The following CYP7B1 variants were observed in gnomAD, a reference collection of about 807,000 sequenced individuals.
CYP7B1 encodes the protein cytochrome P450 family 7 subfamily B member 1, also known as cytochrome P450 7B1.
A neutral mutation model predicts 42.7 loss-of-function variants in CYP7B1; 29 were observed. That is an observed-to-expected ratio of 0.68 (90% CI 0.51 to 0.93). The LOEUF is 0.93. Among genes scored for constraint, CYP7B1 ranks in the 40% least tolerant of loss-of-function variants. The probability of loss-of-function intolerance (pLI) is 0.00; values close to 1 mark genes in which losing one functional copy is unlikely to be tolerated. For synonymous variants in CYP7B1, 235 were observed against 218.2 expected, an observed-to-expected ratio of 1.08 and a Z score of -0.68; for missense variants, 655 against 600.5, an observed-to-expected ratio of 1.09 and a Z score of -0.95.
intron 2 of CYP7B1, among the ~76,000 whole-genome samples, chr8:64,619,328 GA>G (rs1805494425): frequency 6.6e-6 from 1 of 152,178 alleles, no homozygotes; most frequent in Non-Finnish European, 1.5e-5. Context: ...TTATGTAAAT[GA>G]ATGGCCAGTG....
At chr8:64,659,276 T>C (rs1806166682) in intron 1 of CYP7B1, among the ~76,000 whole-genome samples, 1 of 152,190 alleles carries the variant, frequency 6.6e-6, no homozygotes, top group South Asian at 2.1e-4. Context: ...TCTATGCATA[T>C]AAGTGTTTTA....
intron 1 of CYP7B1, among the ~76,000 whole-genome samples, chr8:64,727,618 G>T (rs1286741973): frequency 6.6e-6 from 1 of 152,210 alleles, no homozygotes; most frequent in South Asian, 2.1e-4. Flanking sequence ...ATAGGGAACA[G>T]TTGACCAAGT....
intron 1 of CYP7B1, among the ~76,000 whole-genome samples, chr8:64,739,700 C>T (rs1222985346): frequency 1.3e-5 from 2 of 152,112 alleles, no homozygotes; most frequent in Non-Finnish European, 2.9e-5. Flanking sequence ...CATGAAATAA[C>T]ATACACAGAA....
chr8:64,745,797 T>C (rs1055688615), intron 1 of CYP7B1, among the ~76,000 whole-genome samples: 1 of 152,134 alleles, frequency 6.6e-6, no homozygotes, highest in African/African-American at 2.4e-5. Context: ...GTACAAACAA[T>C]AGTTTGATTT....
At chr8:64,746,779 A>C (rs746787024) in intron 1 of CYP7B1, among the ~76,000 whole-genome samples, 4 of 152,120 alleles carry the variant, frequency 2.6e-5, no homozygotes, top group Non-Finnish European at 4.4e-5. Flanking sequence ...ATTTTTCTGA[A>C]TACCCCTCAT....
At chr8:64,781,263 GA>G (rs568210875) in intron 1 of CYP7B1, among the ~76,000 whole-genome samples, 6 of 152,134 alleles carry the variant, frequency 3.9e-5, no homozygotes, top group Non-Finnish European at 8.8e-5. Flanking sequence ...CTCCTTGCAA[GA>G]GGCAGTGTAG....
chr8:64,726,685 C>T lies in CYP7B1; in HGVS notation c.122+71781G>A, dbSNP rs147286819. ...TAATAAATGTGAGAAGCTTGTGTGG[C>T]CTGTACAAATACAGATAACCATCAC... On this transcript the variant is annotated intron_variant, in intron 1 of 5. Coordinates refer to ENST00000310193, the MANE Select transcript of CYP7B1 (RefSeq NM_004820.5). 5.3e-3 allele frequency among the ~76,000 whole-genome samples: 809 copies of T among 152,286 alleles called. 5 individuals are homozygous for T. Among genetic ancestry groups the T allele is most frequent in the Non-Finnish European group, 9.2e-3 (626 of 68,016 alleles).
intron 1 of CYP7B1, among the ~76,000 whole-genome samples, chr8:64,705,430 T>C (rs937941655): frequency 2.0e-5 from 3 of 151,896 alleles, no homozygotes; most frequent in Non-Finnish European, 4.4e-5. Context: ...AATGACTGAA[T>C]CAATGAGTGA....
chr8:64,754,401 T>C (rs1231641486), intron 1 of CYP7B1, among the ~76,000 whole-genome samples: 1 of 152,210 alleles, frequency 6.6e-6, no homozygotes, highest in Non-Finnish European at 1.5e-5. Flanking sequence ...GGCTTGGGAA[T>C]GTTTTATCAT....
At chr8:64,727,281 T>C (rs1339143273) in intron 1 of CYP7B1, among the ~76,000 whole-genome samples, 2 of 152,210 alleles carry the variant, frequency 1.3e-5, no homozygotes, top group Non-Finnish European at 2.9e-5. Context: ...TTATTTCTTT[T>C]AGCAAAAAGT....
At chr8:64,610,065 T>A (rs1405839913) in intron 4 of CYP7B1, among the ~76,000 whole-genome samples, 1 of 152,206 alleles carries the variant, frequency 6.6e-6, no homozygotes, top group African/African-American at 2.4e-5. Flanking sequence ...CAAACCCTTT[T>A]CTGCTGAGTC....
Position 64,739,158 on chromosome 8 carries a change from T to C in CYP7B1, c.122+59308A>G, listed in dbSNP as rs148387088. Among the ~76,000 whole-genome samples the C allele has an allele frequency of 5.3e-3, 806 of 152,316 alleles. 5 individuals are homozygous for C. The highest frequency in any genetic ancestry group is 9.2e-3 in the Non-Finnish European group (625 of 68,018). On this transcript the variant is annotated intron_variant, in intron 1 of 5. Coordinates refer to ENST00000310193, the MANE Select transcript of CYP7B1 (RefSeq NM_004820.5). ...AGGGCATTTCTCCTAGTGGACTTTC[T>C]CTAGCTTTTCTGTCTCACCTAAGGG... is the stretch of plus-strand genomic sequence containing the variant.
chr8:64,690,045 A>C (rs1806715256), intron 1 of CYP7B1, among the ~76,000 whole-genome samples: 1 of 152,228 alleles, frequency 6.6e-6, no homozygotes, highest in Non-Finnish European at 1.5e-5. Context: ...CTTTAAAATA[A>C]ATCAATTATT....
intron 1 of CYP7B1, among the ~76,000 whole-genome samples, chr8:64,642,804 A>C (rs1805877501): frequency 6.6e-6 from 1 of 152,120 alleles, no homozygotes; most frequent in African/African-American, 2.4e-5. Flanking sequence ...GGGTGCTTAC[A>C]GGCTGATGAC....
At chr8:64,758,902 A>C (rs1327769557) in intron 1 of CYP7B1, among the ~76,000 whole-genome samples, 1 of 152,190 alleles carries the variant, frequency 6.6e-6, no homozygotes, top group Non-Finnish European at 1.5e-5. Context: ...AAAAAGGCCA[A>C]ATCCTTAGTC....
At chr8:64,737,203 A>G (rs983306782) in intron 1 of CYP7B1, among the ~76,000 whole-genome samples, 2 of 152,204 alleles carry the variant, frequency 1.3e-5, no homozygotes, top group African/African-American at 4.8e-5. Context: ...CCTGGACTCA[A>G]TCAATCCTCT....
At chr8:64,750,439 G>T (rs1807710144) in intron 1 of CYP7B1, among the ~76,000 whole-genome samples, 1 of 152,190 alleles carries the variant, frequency 6.6e-6, no homozygotes, top group African/African-American at 2.4e-5. Flanking sequence ...TCAAAGGAAT[G>T]AATTTAATCA....
At chr8:64,754,540 G>C (rs1019159208) in intron 1 of CYP7B1, among the ~76,000 whole-genome samples, 3 of 152,082 alleles carry the variant, frequency 2.0e-5, no homozygotes, top group African/African-American at 7.2e-5. Flanking sequence ...AAGGACTAGA[G>C]GAAGTAAGTC....
chr8:64,694,980 C>A (rs1014902944), intron 1 of CYP7B1, among the ~76,000 whole-genome samples: 4 of 152,174 alleles, frequency 2.6e-5, no homozygotes, highest in Non-Finnish European at 5.9e-5. Context: ...CAGAAATGAA[C>A]TGAATCTGAC....
Sources: allele counts gnomAD v4.1 joint callset (sites outside exome capture counted in the v4.1 genomes callset), GRCh38; gene constraint gnomAD v4.1.1; transcripts MANE v1.5; gene names NCBI Gene and HGNC (gene_info 2026-07-23, HGNC 2026-07-21).